Variants in CD109 observed in about 807,000 individuals in gnomAD.
The protein encoded by CD109 is CD109 antigen.
In CD109, 149 loss-of-function variants were observed where a neutral mutation model predicts 165.8. The ratio of observed to expected loss-of-function variants is 0.90; its 90% CI spans 0.79 to 1.03. The LOEUF (loss-of-function observed/expected upper bound fraction) is 1.03, where lower values mean the gene tolerates loss of function less well. Ranked by LOEUF, CD109 falls within the 50% of genes least tolerant of loss-of-function variation. The probability of loss-of-function intolerance (pLI) is 0.00; values close to 1 mark genes in which losing one functional copy is unlikely to be tolerated. For synonymous variants in CD109, 585 were observed against 592.1 expected, an observed-to-expected ratio of 0.99 and a Z score of 0.18; for missense variants, 1,712 against 1,677.8, an observed-to-expected ratio of 1.02 and a Z score of -0.36.
At chr6:73,807,131 A>T in intron 25 of CD109, 59 bp downstream of exon 25, 1 of 1,239,628 alleles carries the variant, frequency 8.1e-7, no homozygotes. Flanking sequence ...GTAGGTCTTA[A>T]TGGGTCAAAT....
At chr6:73,802,289 G>A (rs5029512) in intron 23 of CD109, among the ~76,000 whole-genome samples, 12,897 of 78,086 alleles carry the variant, frequency 0.17, 1,702 homozygotes, top group East Asian at 0.51. Context: ...GTGTGTGTGT[G>A]TATATATATA....
rs761656381 is a variant in CD109, at chr6:73,787,304, G to A, written c.2408G>A (p.Gly803Asp). 6.2e-7 allele frequency: 1 copy of A among 1,613,836 alleles called. No individual in the cohort carries two copies. The highest frequency in any genetic ancestry group is 1.3e-5 in the African/African-American group (1 of 74,862). Residue 803 changes from glycine (G) to aspartate (D), a missense_variant, in exon 21 of 33, where the codon GGC (glycine) becomes GAC (aspartate). Gly to Asp is a moderately conservative substitution (Grantham distance 94). Transcript: ENST00000287097. ...ACTTCAAATGAAATAAATGCCACAG[G>A]CCACCAGCAGACCCTTCTGGTTCCC... The part of the protein sequence containing the change: ...LMTSNEINAT[G>D]HQQTLLVPSE...
Position 73,765,956 on chromosome 6 carries a change from C to A in CD109, c.1134C>A (p.Asn378Lys). ...ATVKVTRADGNQLTLEERRNN... is the reference protein window; with the variant it reads ...ATVKVTRADGKQLTLEERRNN... ...TGAAGGTAACTCGTGCTGATGGCAA[C>A]CAACTGACTCTTGAAGAAAGAAGAA... Residue 378 changes from asparagine (N) to lysine (K), a missense_variant, in exon 11 of 33, where the codon AAC (asparagine) becomes AAA (lysine). Asn to Lys is a moderately conservative substitution (Grantham distance 94). Transcript: ENST00000287097. The A allele has an allele frequency of 6.2e-7, 1 of 1,613,840 alleles. No homozygotes were observed. The highest frequency in any genetic ancestry group is 8.5e-7 in the Non-Finnish European group (1 of 1,179,898).
intron 2 of CD109, among the ~76,000 whole-genome samples, chr6:73,721,933 G>T (rs1771965823): frequency 6.6e-6 from 1 of 151,768 alleles, no homozygotes; most frequent in South Asian, 2.1e-4. Context: ...ATGGGGTTTT[G>T]CCATGTTGGC....
At chr6:73,704,027 A>G (rs1771172848) in intron 2 of CD109, among the ~76,000 whole-genome samples, 1 of 152,052 alleles carries the variant, frequency 6.6e-6, no homozygotes, top group South Asian at 2.1e-4. Context: ...TCTACCAAAA[A>G]CACAAAAATT....
At chr6:73,732,780 T>G (rs572593686) in intron 4 of CD109, among the ~76,000 whole-genome samples, 1 of 152,360 alleles carries the variant, frequency 6.6e-6, no homozygotes, top group African/African-American at 2.4e-5. Context: ...CTCTAGTATC[T>G]TCCTTTGAAT....
chr6:73,785,846 GTTT>G (rs10583850), intron 20 of CD109, among the ~76,000 whole-genome samples: 23 of 133,940 alleles, frequency 1.7e-4, no homozygotes, highest in Middle Eastern at 4.0e-3. Context: ...CTGCAGTTTT[GTTT>G]TTTTTTTTTT....
intron 23 of CD109, among the ~76,000 whole-genome samples, chr6:73,798,296 G>T (rs2150280119): frequency 6.6e-6 from 1 of 152,082 alleles, no homozygotes; most frequent in South Asian, 2.1e-4. Context: ...TGTATTTTTA[G>T]TAGAGACGGG....
intron 22 of CD109, among the ~76,000 whole-genome samples, chr6:73,789,192 C>T (rs1476050984): frequency 6.6e-6 from 1 of 152,194 alleles, no homozygotes; most frequent in African/African-American, 2.4e-5. Context: ...CTCCCTAGGG[C>T]AGTTCTCTGT....
chr6:73,687,737 G>A, the CD109 span, among the ~76,000 whole-genome samples: 1 of 152,158 alleles, frequency 6.6e-6, no homozygotes, highest in East Asian at 1.9e-4. Context: ...TGGGCAACAG[G>A]ATCTTCACAG....
chr6:73,731,100 G>A (rs546003160), intron 4 of CD109, among the ~76,000 whole-genome samples: 2 of 151,896 alleles, frequency 1.3e-5, no homozygotes, highest in Admixed American at 6.6e-5. Context: ...AGGCTGGAGT[G>A]CAATGGCACG....
chr6:73,795,827 A>C (rs188689506), intron 23 of CD109, among the ~76,000 whole-genome samples: 1 of 152,304 alleles, frequency 6.6e-6, no homozygotes, highest in East Asian at 1.9e-4. Context: ...GAAGACAGGG[A>C]TAATAAAAGA....
At position 73,768,174 on chromosome 6, in the gene CD109, T is replaced by C; in HGVS notation, c.1617T>C (p.Asp539=). 1 of 1,599,572 alleles carries C rather than the reference T, an allele frequency of 6.3e-7. No individual in the cohort carries two copies. Among genetic ancestry groups the C allele is most frequent in the Non-Finnish European group, 8.6e-7 (1 of 1,167,180 alleles). ...ACVIVYYIED[D]GEIISDVLKI... ...TAATTGTGTATTATATTGAAGATGATGGGGAAATTATAAGTGATGTTCTAA... is the reference window on the plus strand; with the variant it reads ...TAATTGTGTATTATATTGAAGATGACGGGGAAATTATAAGTGATGTTCTAA... The change falls in exon 14 of 33, where the codon GAT becomes GAC. Residue 539 remains aspartate (D), a synonymous_variant. Transcript: ENST00000287097.
chr6:73,793,266 G>A (rs1775038457), intron 23 of CD109, among the ~76,000 whole-genome samples: 1 of 152,106 alleles, frequency 6.6e-6, no homozygotes, highest in South Asian at 2.1e-4. Flanking sequence ...CGTGTGGTGG[G>A]GACCTTCTCA....
At chr6:73,716,634 T>G (rs1771754570) in intron 2 of CD109, among the ~76,000 whole-genome samples, 1 of 152,242 alleles carries the variant, frequency 6.6e-6, no homozygotes. Flanking sequence ...GATTATTAGA[T>G]TTTTTCCTGT....
intron 15 of CD109, among the ~76,000 whole-genome samples, chr6:73,780,163 T>C (rs558251722): frequency 4.6e-5 from 7 of 152,272 alleles, no homozygotes; most frequent in African/African-American, 1.7e-4. Context: ...AACAGTAACA[T>C]CTAAGTTCTC....
chr6:73,750,972 AG>A (rs1773166074), intron 5 of CD109, among the ~76,000 whole-genome samples: 1 of 152,200 alleles, frequency 6.6e-6, no homozygotes, highest in Non-Finnish European at 1.5e-5. Context: ...GTCTACATTC[AG>A]TAATTAATAT....
chr6:73,711,812 C>A lies in CD109; in HGVS notation c.248-11439C>A, dbSNP rs1562024085. On this transcript the variant is annotated intron_variant, in intron 2 of 32. Coordinates refer to ENST00000287097, the MANE Select transcript of CD109 (RefSeq NM_133493.5). ...TCGGCCTCCCAAAGTGCTGGGATTA[C>A]AGGCGTGAGCCACCGCGCCCGGCCT... Among the ~76,000 whole-genome samples, 2 of 15,254 alleles carry A rather than the reference C, an allele frequency of 1.3e-4. 1 individual carries two copies. Among genetic ancestry groups the A allele is most frequent in the Non-Finnish European group, 7.0e-4 (2 of 2,856 alleles). The allele number at this position is 15,254 out of a possible 152,430, so 10.0% of individuals were successfully genotyped here.
intron 23 of CD109, among the ~76,000 whole-genome samples, chr6:73,796,166 C>T (rs1240172895): frequency 6.6e-6 from 1 of 152,188 alleles, no homozygotes; most frequent in Non-Finnish European, 1.5e-5. Context: ...TGTTCCCTCC[C>T]CTTCAGTACA....
Sources: allele counts gnomAD v4.1 joint callset (sites outside exome capture counted in the v4.1 genomes callset), GRCh38; gene constraint gnomAD v4.1.1; transcripts MANE v1.5; gene names NCBI Gene and HGNC (gene_info 2026-07-23, HGNC 2026-07-21).